SREBF1: variants seen among roughly 807,000 people sequenced by gnomAD.
SREBF1 encodes sterol regulatory element binding transcription factor 1.
In SREBF1, 45 loss-of-function variants were observed where a neutral mutation model predicts 100.1. The observed-to-expected ratio is 0.45, with a 90% CI of 0.35 to 0.58. The LOEUF is 0.58. Ranked by LOEUF, SREBF1 falls within the 20% of genes least tolerant of loss-of-function variation. The pLI is 0.00. For missense variants in SREBF1, 1,324 were observed against 1,539.4 expected, an observed-to-expected ratio of 0.86 and a Z score of 2.34; for synonymous variants, 657 against 681.8, an observed-to-expected ratio of 0.96 and a Z score of 0.57.
At position 17,818,380 on chromosome 17, in the gene SREBF1, C is replaced by T. The variant is rs753828343; in HGVS notation, c.1069-6G>A. 51 of 1,609,550 alleles carry T rather than the reference C, an allele frequency of 3.2e-5. 1 individual carries two copies. The South Asian group carries it at 4.7e-4, about 15-fold the overall frequency. On this transcript the variant is annotated splice_polypyrimidine_tract_variant and splice_region_variant and intron_variant, in intron 5 of 18. Transcript: ENST00000261646. ...AAGACAGCAGATTTATTCAGCTGCA[C>T]GGTGTGGGAGGGAGGGGGAGCGCAC...
chr17:17,813,790 AG>A (rs1432838410), intron 16 of SREBF1, 21 bp from the exon 17 acceptor site: 1 of 1,534,760 alleles, frequency 6.5e-7, no homozygotes, highest in South Asian at 1.2e-5. Context: ...CAGGCAGGGC[AG>A]GGGTCACCAG....
At chr17:17,832,965 C>T (rs2034965450) in intron 1 of SREBF1, among the ~76,000 whole-genome samples, 2 of 151,522 alleles carry the variant, frequency 1.3e-5, no homozygotes, top group African/African-American at 4.8e-5. Flanking sequence ...AAAAACCGGC[C>T]TCAGTGTCCA....
Position 17,817,030 on chromosome 17 carries a change from G to C in SREBF1, c.1713C>G (p.Val571=), listed in dbSNP as rs1424396011. 2 of 1,613,034 alleles carry C rather than the reference G, an allele frequency of 1.2e-6. No homozygotes were observed. Among genetic ancestry groups the C allele is most frequent in the African/African-American group, 2.7e-5 (2 of 74,950 alleles). Residue 571 remains valine, a synonymous_variant, in exon 9 of 19, where the codon GTC becomes GTG. Coordinates refer to ENST00000261646, the MANE Select transcript of SREBF1 (RefSeq NM_004176.5). This position sits in a 1 kb window ranked among gnomAD's most constrained non-coding sequence, Gnocchi z 6.6. The part of the protein sequence containing the change: ...LVLLFVYGEP[V]TRPHSGPAVY... ...CGGCGGGGCCTGAGTGGGGCCGTGT[G>C]ACTGGCTCACCGTAGACAAAGAGAA... is the stretch of plus-strand genomic sequence containing the variant.
Position 17,818,296 on chromosome 17 carries a change from C to G in SREBF1, c.1147G>C (p.Glu383Gln), listed in dbSNP as rs1250533116. 1.2e-6 allele frequency: 2 copies of G among 1,613,910 alleles called. No individual in the cohort carries two copies. Among genetic ancestry groups the G allele is most frequent in the Admixed American group, 3.3e-5 (2 of 59,996 alleles). Residue 383 changes from glutamate (E) to glutamine (Q), a missense_variant, in exon 6 of 19, where the codon GAG (glutamate) becomes CAG (glutamine). Transcript: ENST00000261646. Reference sequence around the variant, plus strand: ...ACAGCAGTGCGCAGACTTAGGTTCTCCTGCTTGAGTTTCTGGTTGCTGTGT... The same window carrying G: ...ACAGCAGTGCGCAGACTTAGGTTCTGCTGCTTGAGTTTCTGGTTGCTGTGT... ...LQHSNQKLKQ[E>Q]NLSLRTAVHK...
chr17:17,813,844 AG>A (rs1483128257), intron 16 of SREBF1, 75 bp from the exon 17 acceptor site: 5 of 1,425,934 alleles, frequency 3.5e-6, no homozygotes, highest in Non-Finnish European at 4.8e-6. Flanking sequence ...CCGTGGTGCC[AG>A]GGGCCGGCTC....
At position 17,811,403 on chromosome 17, in the gene SREBF1, G is replaced by GAAAA. The variant is rs34061744; in HGVS notation, c.*1215_*1218dup. On this transcript the variant is annotated 3_prime_UTR_variant, in exon 19 of 19. Transcript: ENST00000261646. The stretch of plus-strand genomic sequence containing the variant: ...GAGTAAAAAACAGTCATTGCATTCA[G>GAAAA]AAAAAAAAAAAAAAAAAAGTCAATA... 65 of 163,364 alleles carry GAAAA rather than the reference G, an allele frequency of 4.0e-4. No individual in the cohort carries two copies. Among genetic ancestry groups the GAAAA allele is most frequent in the Non-Finnish European group, 6.0e-4 (48 of 80,216 alleles). The allele number at this position is 163,364 out of a possible 1,614,324, so 10.1% of individuals were successfully genotyped here. A position where few individuals can be genotyped will look rare whatever the true frequency, so the allele number is the denominator to read the frequency against.
In SREBF1 at chr17:17,812,417, T is replaced by C. The variant is rs2032975585; in HGVS notation, c.*205A>G. 1.6e-6 allele frequency: 1 copy of C among 640,156 alleles called. No individual in the cohort carries two copies. 39.7% of individuals were successfully genotyped at this position (640,156 alleles called of 1,614,324 possible). A position where few individuals can be genotyped will look rare whatever the true frequency, so the allele number is the denominator to read the frequency against. ...CAGTGCCCCGATCGGCCACCAGAGG[T>C]CAGCACCATCATGGCCGCCGGTCTT... On this transcript the variant is annotated 3_prime_UTR_variant, in exon 19 of 19. Transcript: ENST00000261646.
intron 1 of SREBF1, among the ~76,000 whole-genome samples, chr17:17,828,713 C>G (rs919309739): frequency 1.3e-5 from 2 of 151,718 alleles, no homozygotes; most frequent in Admixed American, 6.6e-5. Context: ...CCCAGGAGTT[C>G]AAGACCAGCC....
At position 17,814,108 on chromosome 17, in the gene SREBF1, G is replaced by T; in HGVS notation, c.2901+137C>A. ...GACAGAAGCCTTAGCCAAAAAGCAG[G>T]GTCTGCTGGACCCCCTATCCTGTGC... On this transcript the variant is annotated intron_variant, in intron 16 of 18. Coordinates refer to ENST00000261646, the MANE Select transcript of SREBF1 (RefSeq NM_004176.5). 2.9e-6 allele frequency: 3 copies of T among 1,021,652 alleles called. No homozygotes were observed. In the South Asian group the frequency reaches 4.3e-5, roughly 15 times the overall value. The allele number at this position is 1,021,652 out of a possible 1,614,324, so 63.3% of individuals were successfully genotyped here.
chr17:17,816,528 C>T lies in SREBF1; in HGVS notation c.1976G>A (p.Arg659Gln), dbSNP rs1201863369. The T allele has an allele frequency of 5.0e-6, 8 of 1,602,890 alleles. No homozygotes were observed. The highest frequency in any genetic ancestry group is 6.8e-6 in the Non-Finnish European group (8 of 1,175,770). Residue 659 changes from arginine to glutamine, a missense_variant, in exon 10 of 19, where the codon CGA becomes CAA. Coordinates refer to ENST00000261646, the MANE Select transcript of SREBF1 (RefSeq NM_004176.5). ...AGGLQQDCALRVDASASARDA... is the reference protein window; with the variant it reads ...AGGLQQDCALQVDASASARDA... ...TCGGGCGCTGGCGCTAGCATCCACT[C>T]GCAGAGCACAGTCCTGCTGCAGGCC...
At position 17,811,394 on chromosome 17, in the gene SREBF1, T is replaced by A; in HGVS notation, c.*1228A>T. Reference sequence around the variant, plus strand: ...TTTCCTTAAGAGTAAAAAACAGTCATTGCATTCAGAAAAAAAAAAAAAAAA... The same window carrying A: ...TTTCCTTAAGAGTAAAAAACAGTCAATGCATTCAGAAAAAAAAAAAAAAAA... On this transcript the variant is annotated 3_prime_UTR_variant, in exon 19 of 19. Coordinates refer to ENST00000261646, the MANE Select transcript of SREBF1 (RefSeq NM_004176.5). The A allele has an allele frequency of 5.0e-6, 1 of 199,780 alleles. No homozygotes were observed. Among genetic ancestry groups the A allele is most frequent in the South Asian group, 4.4e-5 (1 of 22,602 alleles). The allele number at this position is 199,780 out of a possible 1,614,324, so 12.4% of individuals were successfully genotyped here. A position where few individuals can be genotyped will look rare whatever the true frequency, so the allele number is the denominator to read the frequency against.
intron 1 of SREBF1, among the ~76,000 whole-genome samples, chr17:17,832,774 G>A (rs937625581): frequency 1.1e-4 from 16 of 151,794 alleles, no homozygotes; most frequent in Non-Finnish European, 1.6e-4. Flanking sequence ...CAAAAAATTA[G>A]CCAGGCATGG....
chr17:17,816,309 C>A lies in SREBF1; in HGVS notation c.2112G>T (p.Glu704Asp). ...NLALSALNLAECAGDAVSVAT... is the reference protein window; with the variant it reads ...NLALSALNLADCAGDAVSVAT... ...CCACAGACACGGCATCCCCTGCACACTCTGCCAGGTTCAGGGCACTCAGCG... is the reference window on the plus strand; with the variant it reads ...CCACAGACACGGCATCCCCTGCACAATCTGCCAGGTTCAGGGCACTCAGCG... Residue 704 changes from glutamate (E) to aspartate (D), a missense_variant, in exon 11 of 19, where the codon GAG becomes GAT. Glu to Asp is a conservative substitution (Grantham distance 45). Transcript: ENST00000261646. The A allele has an allele frequency of 1.9e-6, 3 of 1,578,946 alleles. No homozygotes were observed. Among genetic ancestry groups the A allele is most frequent in the Non-Finnish European group, 2.6e-6 (3 of 1,166,944 alleles).
chr17:17,820,142 G>C lies in SREBF1; in HGVS notation c.471C>G (p.Phe157Leu), dbSNP rs776012182. The C allele has an allele frequency of 2.5e-6, 4 of 1,613,248 alleles. No individual in the cohort carries two copies. The highest frequency in any genetic ancestry group is 3.4e-6 in the Non-Finnish European group (4 of 1,179,818). ...GGTAGCCTAACACAGGGGTGGAGCT[G>C]AACTGCGGTGGGGCTGGGGCTGGGA... ...QSFPAPAPPQ[F>L]SSTPVLGYPS... Residue 157 changes from phenylalanine (F) to leucine (L), a missense_variant, in exon 2 of 19, where the codon TTC becomes TTG. Transcript: ENST00000261646.
rs371224082 is a variant in SREBF1 at position 17,814,845 on chromosome 17, G to A, written c.2592C>T (p.Ala864=). 7 of 1,595,170 alleles carry A rather than the reference G, an allele frequency of 4.4e-6. No homozygotes were observed. The highest frequency in any genetic ancestry group is 4.0e-5 in the African/African-American group (3 of 74,718). ...AYSFSISSSM[A]TTTGVDPVAK... is the part of the protein sequence containing the mutation. The stretch of plus-strand genomic sequence containing the variant: ...GGGCCGGGGACTCACCGGTGGTGGT[G>A]GCCATGCTGGAACTGATGGAGAAGC... Residue 864 remains alanine (A), a synonymous_variant, in exon 14 of 19, where the codon GCC becomes GCT. Coordinates refer to ENST00000261646, the MANE Select transcript of SREBF1 (RefSeq NM_004176.5).
At chr17:17,818,159 C>T in intron 6 of SREBF1, 101 bp downstream of exon 6, 1 of 754,174 alleles carries the variant, frequency 1.3e-6, no homozygotes, top group Non-Finnish European at 2.0e-6. Context: ...GAGGGTGGGC[C>T]AGAACCAAGG....
intron 1 of SREBF1, among the ~76,000 whole-genome samples, chr17:17,828,744 C>T (rs1414853583): frequency 6.6e-6 from 1 of 151,950 alleles, no homozygotes; most frequent in Non-Finnish European, 1.5e-5. Flanking sequence ...AGCAAGGCCC[C>T]ATCTCTACAA....
intron 1 of SREBF1, among the ~76,000 whole-genome samples, chr17:17,836,271 G>A (rs146685884): frequency 6.6e-6 from 1 of 152,404 alleles, no homozygotes; most frequent in Non-Finnish European, 1.5e-5. Context: ...GCGCCCATGC[G>A]CATGCGCAAG....
At position 17,812,572 on chromosome 17, in the gene SREBF1, CG is replaced by C. The variant is rs1167144590; in HGVS notation, c.*49del. The C allele has an allele frequency of 6.5e-7, 1 of 1,539,462 alleles. No homozygotes were observed. Among genetic ancestry groups the C allele is most frequent in the Middle Eastern group, 1.7e-4 (1 of 5,978 alleles). ...GCTTCGACGCAGGACAGAAGCTGCA[CG>C]GGACCAAAGTGGCTAGAGACAGGGG... On this transcript the variant is annotated 3_prime_UTR_variant, in exon 19 of 19. Transcript: ENST00000261646.
Sources: gnomAD v4.1 joint callset for allele counts (sites outside exome capture counted in the v4.1 genomes callset) on GRCh38, gnomAD v4.1.1 for gene constraint, Gnocchi (gnomAD v3.1) non-coding constraint, MANE v1.5 for transcripts, NCBI Gene and HGNC (gene_info 2026-07-23, HGNC 2026-07-21) for gene names.